CDIP1: variants seen among roughly 807,000 people sequenced by gnomAD.
CDIP1 encodes the protein cell death-inducing p53-target protein 1.
CDIP1 carries 9 observed loss-of-function variants against 17.7 expected under a neutral mutation model. The observed-to-expected ratio is 0.51, with a 90% CI of 0.31 to 0.89. The LOEUF is 0.89. Ranked by LOEUF, CDIP1 falls within the 40% of genes least tolerant of loss-of-function variation. The pLI is 0.05. For missense variants in CDIP1, 263 were observed against 277.9 expected (o/e 0.95, Z 0.38); for synonymous variants, 117 against 109.5 (o/e 1.07, Z -0.43).
Position 4,513,697 on chromosome 16 carries a change from C to G in CDIP1, c.240G>C (p.Pro80=), listed in dbSNP as rs201745349. The part of the protein sequence containing the change: ...HMSADGTYMP[P]GFYPPPGPHP... ...CCCTCAGATCCCTTCCCCACTCACCCGGAGGCATGTAGGTGCCATCTGCAC... is the reference window on the plus strand; with the variant it reads ...CCCTCAGATCCCTTCCCCACTCACCGGGAGGCATGTAGGTGCCATCTGCAC... The change falls in exon 4 of 6, where the codon CCG becomes CCC. Residue 80 remains proline (P), a splice_region_variant and synonymous_variant. Transcript: ENST00000567695. The surrounding 1 kb of genome is among the most constrained non-coding windows in gnomAD (Gnocchi z 4.1). The G allele has an allele frequency of 6.2e-7, 1 of 1,613,152 alleles. No individual in the cohort carries two copies. The highest frequency in any genetic ancestry group is 8.5e-7 in the Non-Finnish European group (1 of 1,179,488).
chr16:4,535,718 G>A (rs969035778), intron 1 of CDIP1, among the ~76,000 whole-genome samples: 2 of 152,228 alleles, frequency 1.3e-5, no homozygotes, highest in Non-Finnish European at 2.9e-5. Context: ...GGTGACCGGG[G>A]CCATCAGGCC....
intron 1 of CDIP1, among the ~76,000 whole-genome samples, chr16:4,519,454 G>A (rs535213448): frequency 2.6e-5 from 4 of 152,344 alleles, no homozygotes; most frequent in African/African-American, 9.6e-5. Context: ...GCTTCTGACA[G>A]ACTGGCTACA....
chr16:4,526,543 C>CA (rs1046098276), intron 1 of CDIP1, among the ~76,000 whole-genome samples: 13 of 150,498 alleles, frequency 8.6e-5, no homozygotes, highest in Non-Finnish European at 1.3e-4. Context: ...ACTAAAAATA[C>CA]AAAAAAATTA....
rs2058865556 is a variant in CDIP1 at position 4,514,218 on chromosome 16, G to A, written c.-14-74C>T. Reference sequence around the variant, plus strand: ...TCCTTCTCCTTCAGCCCTGTGGGGTGGCCAAGATGCTGCACAAGGCGTGTG... The same window carrying A: ...TCCTTCTCCTTCAGCCCTGTGGGGTAGCCAAGATGCTGCACAAGGCGTGTG... On this transcript the variant is annotated intron_variant, in intron 2 of 5. Transcript: ENST00000567695. The surrounding 1 kb of genome is among the most constrained non-coding windows in gnomAD (Gnocchi z 5.2). The A allele has an allele frequency of 5.9e-6, 5 of 844,732 alleles. No homozygotes were observed. In the East Asian group the frequency reaches 9.4e-5, roughly 16 times the overall value. 52.3% of individuals were successfully genotyped at this position (844,732 alleles called of 1,614,324 possible). A position where few individuals can be genotyped will look rare whatever the true frequency, so the allele number is the denominator to read the frequency against.
intron 1 of CDIP1, among the ~76,000 whole-genome samples, chr16:4,535,240 C>T (rs896334815): frequency 2.0e-5 from 3 of 152,112 alleles, no homozygotes; most frequent in South Asian, 2.1e-4. Context: ...TCAGGAAGAC[C>T]CTCAGTGTTT....
At chr16:4,520,129 T>G (rs2058930325) in intron 1 of CDIP1, among the ~76,000 whole-genome samples, 1 of 151,944 alleles carries the variant, frequency 6.6e-6, no homozygotes, top group African/African-American at 2.4e-5. Context: ...TTTTTTTTTT[T>G]TTAGACAGAG....
chr16:4,523,126 C>T (rs141503221), intron 1 of CDIP1, among the ~76,000 whole-genome samples: 4 of 152,270 alleles, frequency 2.6e-5, no homozygotes, highest in African/African-American at 9.6e-5. Context: ...GAGGTGACCA[C>T]GTAACAGAGG....
At chr16:4,530,746 C>T (rs2059048100) in intron 1 of CDIP1, among the ~76,000 whole-genome samples, 2 of 151,968 alleles carry the variant, frequency 1.3e-5, no homozygotes, top group Admixed American at 1.3e-4. Flanking sequence ...GAAGTCAAGG[C>T]AGGAGGATCA....
Position 4,513,770 on chromosome 16 carries a change from G to A in CDIP1, c.167C>T (p.Pro56Leu), listed in dbSNP as rs369159827. ...AGGCTGGGGCATTGGGTGACCCGGC[G>A]GCTCATAGGGTGGGGGGCCAATGTC... ...PADIGPPPYE[P>L]PGHPMPQPGF... The change falls in exon 4 of 6, where the codon CCG (proline) becomes CTG (leucine). Residue 56 changes from proline to leucine, a missense_variant. Transcript: ENST00000567695. The surrounding 1 kb of genome is among the most constrained non-coding windows in gnomAD (Gnocchi z 4.1). 2.0e-5 allele frequency: 33 copies of A among 1,611,638 alleles called. No individual in the cohort carries two copies. The highest frequency in any genetic ancestry group is 6.7e-5 in the African/African-American group (5 of 74,968).
intron 1 of CDIP1, among the ~76,000 whole-genome samples, chr16:4,530,851 G>A: frequency 1.3e-5 from 2 of 151,948 alleles, no homozygotes; most frequent in Admixed American, 6.6e-5. Context: ...AAAAAAGAAA[G>A]AAATAGTATA....
At chr16:4,515,907 C>G (rs972640237) in intron 1 of CDIP1, among the ~76,000 whole-genome samples, 1 of 152,126 alleles carries the variant, frequency 6.6e-6, no homozygotes, top group Non-Finnish European at 1.5e-5. Flanking sequence ...TACCAGATGA[C>G]CCAGCAATTC....
At chr16:4,532,855 G>A (rs2059069690) in intron 1 of CDIP1, 1 of 152,326 alleles carries the variant, frequency 6.6e-6, no homozygotes, top group African/African-American at 2.4e-5. Flanking sequence ...CCTGAGGTCA[G>A]GTGACACAAA....
At chr16:4,515,231 T>C (rs1327649751) in intron 1 of CDIP1, 2 of 152,196 alleles carry the variant, frequency 1.3e-5, no homozygotes, top group Non-Finnish European at 2.9e-5. Context: ...GCCCAGCACC[T>C]GCAGGGGATG....
rs1427549762 is a variant in CDIP1, at chr16:4,512,870, G to A, written c.436C>T (p.Gln146Ter). The A allele has an allele frequency of 1.3e-6, 2 of 1,563,758 alleles. No individual in the cohort carries two copies. The highest frequency in any genetic ancestry group is 2.3e-5 in the South Asian group (2 of 85,226). The change falls in exon 5 of 6, where the codon CAG (glutamine) becomes TAG (stop). Residue 146 changes from glutamine (Q) to a stop codon, truncating the protein, a stop_gained. Coordinates refer to ENST00000567695, the MANE Select transcript of CDIP1 (RefSeq NM_013399.3). LOFTEE classifies it high-confidence loss of function. The surrounding 1 kb of genome is among the most constrained non-coding windows in gnomAD (Gnocchi z 4.6). Reference sequence around the variant, plus strand: ...GAGATCTTGGTGGTGATGGCCTGCTGGCAGTGGGGACACACCGTCTGCACA... The same window carrying A: ...GAGATCTTGGTGGTGATGGCCTGCTAGCAGTGGGGACACACCGTCTGCACA... ...APVQTVCPHC[Q>*]QAITTKISYE...
Position 4,511,601 on chromosome 16 carries a change from TCAGCTG to T in CDIP1, c.*965_*970del, listed in dbSNP as rs1170605263. Reference sequence around the variant, plus strand: ...TGTGAGCAGGCACAGCAACAGCCTGTCAGCTGGGGTGAGGGGCCCGGCACTTACAGG... The same window carrying T: ...TGTGAGCAGGCACAGCAACAGCCTGTGGGTGAGGGGCCCGGCACTTACAGG... On this transcript the variant is annotated 3_prime_UTR_variant, in exon 6 of 6. Transcript: ENST00000567695. The T allele has an allele frequency of 6.6e-6, 1 of 152,284 alleles. No individual in the cohort carries two copies. Among genetic ancestry groups the T allele is most frequent in the Admixed American group, 6.5e-5 (1 of 15,280 alleles). 9.4% of individuals were successfully genotyped at this position (152,284 alleles called of 1,614,324 possible).
chr16:4,513,000 T>G lies in CDIP1; in HGVS notation c.306A>C (p.Pro102=). ...GGCCCCCAGGGCCAGGGTAGGGCCC[T>G]GGCGTGTAGGGCCCTGGGGGGTAGT... is the stretch of plus-strand genomic sequence containing the variant. ...MGYYPPGPYT[P]GPYPGPGGHT... is the part of the protein sequence containing the mutation. The change falls in exon 5 of 6, where the codon CCA becomes CCC. Residue 102 remains proline (P), a synonymous_variant. Coordinates refer to ENST00000567695, the MANE Select transcript of CDIP1 (RefSeq NM_013399.3). This position sits in a 1 kb window ranked among gnomAD's most constrained non-coding sequence, Gnocchi z 4.6. The G allele has an allele frequency of 1.3e-6, 2 of 1,590,654 alleles. No homozygotes were observed. Among genetic ancestry groups the G allele is most frequent in the South Asian group, 1.1e-5 (1 of 87,414 alleles).
At chr16:4,534,698 T>TG (rs2059089382) in intron 1 of CDIP1, among the ~76,000 whole-genome samples, 1 of 148,910 alleles carries the variant, frequency 6.7e-6, no homozygotes, top group Non-Finnish European at 1.5e-5. Context: ...TGGTTTTTTT[T>TG]TTTTTTTTTT....
At chr16:4,534,113 G>C (rs539305298) in intron 1 of CDIP1, among the ~76,000 whole-genome samples, 1 of 152,022 alleles carries the variant, frequency 6.6e-6, no homozygotes, top group Admixed American at 6.6e-5. Flanking sequence ...CCCACACCTG[G>C]TTAATTTTTG....
intron 1 of CDIP1, among the ~76,000 whole-genome samples, chr16:4,527,670 T>C (rs2059013884): frequency 6.6e-6 from 1 of 152,186 alleles, no homozygotes; most frequent in Admixed American, 6.5e-5. Flanking sequence ...GTATTCGTTC[T>C]AGAGGTAAAT....
Sources: gnomAD v4.1 joint callset for allele counts (sites outside exome capture counted in the v4.1 genomes callset) on GRCh38, gnomAD v4.1.1 for gene constraint, Gnocchi (gnomAD v3.1) non-coding constraint, MANE v1.5 for transcripts, NCBI Gene and HGNC (gene_info 2026-07-23, HGNC 2026-07-21) for gene names.